Variants in THSD7A observed in about 807,000 individuals in gnomAD.
The protein encoded by THSD7A is thrombospondin type-1 domain-containing protein 7A.
Under a neutral mutation model 231.3 loss-of-function variants are expected in THSD7A, and 96 were observed. The ratio of observed to expected loss-of-function variants is 0.41; its 90% confidence interval spans 0.35 to 0.49. The LOEUF is 0.49. THSD7A is among the 20% of genes least tolerant of loss of function. The pLI is 0.05. For missense variants in THSD7A, 2,290 were observed against 2,070.2 expected, an observed-to-expected ratio of 1.11 and a Z score of -2.06; for synonymous variants, 940 against 743.3, an observed-to-expected ratio of 1.26 and a Z score of -4.30.
intron 6 of THSD7A, among the ~76,000 whole-genome samples, chr7:11,541,077 CT>C (rs1456952910): frequency 6.6e-6 from 1 of 152,084 alleles, no homozygotes; most frequent in Non-Finnish European, 1.5e-5. Context: ...GAGCTATAGA[CT>C]TTTTTAAAAA....
chr7:11,593,901 A>G (rs955110266), intron 2 of THSD7A, among the ~76,000 whole-genome samples: 4 of 152,156 alleles, frequency 2.6e-5, no homozygotes, highest in African/African-American at 4.8e-5. Flanking sequence ...CGTAAGTGTG[A>G]TGGTTAATAC....
chr7:11,473,026 T>C (rs1785999955), intron 8 of THSD7A, among the ~76,000 whole-genome samples: 1 of 152,186 alleles, frequency 6.6e-6, no homozygotes, highest in African/African-American at 2.4e-5. Context: ...ATCACAGCTT[T>C]AGCAAAATTT....
At chr7:11,820,516 G>T in intron 1 of THSD7A, 1 of 778,006 alleles carries the variant, frequency 1.3e-6, no homozygotes. Flanking sequence ...GTGTAATCTA[G>T]GTCCCACTCC....
At chr7:11,463,512 C>T (rs1395344527) in intron 9 of THSD7A, among the ~76,000 whole-genome samples, 3 of 152,134 alleles carry the variant, frequency 2.0e-5, no homozygotes, top group Non-Finnish European at 2.9e-5. Context: ...TACTGTAATA[C>T]ACGACCTTGT....
chr7:11,736,553 G>A (rs1353512159), intron 1 of THSD7A, among the ~76,000 whole-genome samples: 1 of 151,702 alleles, frequency 6.6e-6, no homozygotes, highest in Non-Finnish European at 1.5e-5. Context: ...TTTATTTATA[G>A]GACTATTTAA....
rs141388614 is a variant in THSD7A, at chr7:11,557,203, A to G, written c.1454-14086T>C. ...TTGTTCGGATTAGGTAATTTTGATT[A>G]TTCTGTATTTTAGTTCTTTGATTCT... On this transcript the variant is annotated intron_variant, in intron 4 of 27. Transcript: ENST00000423059. Among the ~76,000 whole-genome samples, 429 of 151,844 alleles carry G rather than the reference A, an allele frequency of 2.8e-3. 1 individual carries two copies. Among genetic ancestry groups the G allele is most frequent in the African/African-American group, 9.8e-3 (404 of 41,422 alleles).
intron 1 of THSD7A, among the ~76,000 whole-genome samples, chr7:11,715,058 C>A (rs1781091783): frequency 1.3e-5 from 2 of 151,334 alleles, no homozygotes; most frequent in African/African-American, 4.8e-5. Context: ...AACAACTCTT[C>A]CAGGTCAGTA....
At chr7:11,407,683 T>A (rs781062482) in intron 19 of THSD7A, among the ~76,000 whole-genome samples, 5 of 152,308 alleles carry the variant, frequency 3.3e-5, no homozygotes, top group Middle Eastern at 3.4e-3. Flanking sequence ...CAATAAGCAA[T>A]GTAGAAAAGT....
intron 1 of THSD7A, among the ~76,000 whole-genome samples, chr7:11,668,421 AAAAAGAAAGAAAG>A (rs1185347599): frequency 2.6e-5 from 4 of 151,458 alleles, no homozygotes; most frequent in South Asian, 2.1e-4. Context: ...TCCATCTCAA[AAAAAGAAAGAAAG>A]AAAAGAAAGA....
At chr7:11,738,419 C>A (rs1781989474) in intron 1 of THSD7A, among the ~76,000 whole-genome samples, 1 of 151,974 alleles carries the variant, frequency 6.6e-6, no homozygotes, top group African/African-American at 2.4e-5. Flanking sequence ...TCTCAGCAAA[C>A]ACTGGTTAAC....
chr7:11,769,187 G>C (rs1047508623), intron 1 of THSD7A, among the ~76,000 whole-genome samples: 1 of 108,354 alleles, frequency 9.2e-6, no homozygotes, highest in African/African-American at 3.3e-5. Context: ...TGTAGAGATG[G>C]GGTTTCACTA....
At chr7:11,386,169 A>T (rs565364421) in intron 23 of THSD7A, among the ~76,000 whole-genome samples, 1 of 152,204 alleles carries the variant, frequency 6.6e-6, no homozygotes. Context: ...CAGTGCTGCA[A>T]TAAACATATG....
chr7:11,447,150 G>T (rs888235910), intron 12 of THSD7A, 80 bp downstream of exon 12: 2 of 1,355,286 alleles, frequency 1.5e-6, no homozygotes, highest in Non-Finnish European at 2.1e-6. Context: ...CAAATACACT[G>T]TCAGAATTCT....
rs774714871 is a variant in THSD7A, at chr7:11,401,864, C to A, written c.4342G>T (p.Val1448Leu). 6.2e-7 allele frequency: 1 copy of A among 1,613,888 alleles called. No individual in the cohort carries two copies. Among genetic ancestry groups the A allele is most frequent in the African/African-American group, 1.3e-5 (1 of 75,012 alleles). The part of the protein sequence containing the change: ...FGGIQVRSRP[V>L]IIQELENQHL... ...TGATTCTCTAGTTCTTGTATAATCA[C>A]CGGTCTGGATCTGACCTGTATTCCA... is the stretch of plus-strand genomic sequence containing the variant. The change falls in exon 23 of 28, where the codon GTG (valine) becomes TTG (leucine). Residue 1448 changes from valine to leucine, a missense_variant. By Grantham distance (32) the Val-to-Leu change is conservative. Coordinates refer to ENST00000423059, the MANE Select transcript of THSD7A (RefSeq NM_015204.3).
chr7:11,411,117 C>T lies in THSD7A; in HGVS notation c.3798+90G>A. 1 of 896,458 alleles carries T rather than the reference C, an allele frequency of 1.1e-6. No homozygotes were observed. Among genetic ancestry groups the T allele is most frequent in the Non-Finnish European group, 1.8e-6 (1 of 567,070 alleles). The allele number at this position is 896,458 out of a possible 1,614,324, so 55.5% of individuals were successfully genotyped here. A position where few individuals can be genotyped will look rare whatever the true frequency, so the allele number is the denominator to read the frequency against. ...CAGAAAAACATCTGCTGGCAATGAG[C>T]TGCATGGAGCACGGGTCACTTGGCT... On this transcript the variant is annotated intron_variant, in intron 19 of 27. Transcript: ENST00000423059. This position sits in a 1 kb window ranked among gnomAD's most constrained non-coding sequence, Gnocchi z 4.1.
chr7:11,649,036 T>G (rs565833370), intron 1 of THSD7A, among the ~76,000 whole-genome samples: 4 of 152,200 alleles, frequency 2.6e-5, no homozygotes, highest in Admixed American at 2.6e-4. Flanking sequence ...TGCATGGAGA[T>G]GACCTGTGTA....
chr7:11,611,518 G>T (rs1780920025), intron 2 of THSD7A, among the ~76,000 whole-genome samples: 1 of 151,368 alleles, frequency 6.6e-6, no homozygotes, highest in Non-Finnish European at 1.5e-5. Context: ...AATATTAATG[G>T]TCAATTTTGT....
At chr7:11,702,990 A>G (rs1217530050) in intron 1 of THSD7A, among the ~76,000 whole-genome samples, 2 of 151,242 alleles carry the variant, frequency 1.3e-5, no homozygotes, top group Non-Finnish European at 3.0e-5. Flanking sequence ...AGTCTTCTGG[A>G]AACTCTCTGA....
chr7:11,694,629 C>CATTGT (rs1295856618), intron 1 of THSD7A, among the ~76,000 whole-genome samples: 1 of 151,470 alleles, frequency 6.6e-6, no homozygotes, highest in Non-Finnish European at 1.5e-5. Context: ...TTACACTGCT[C>CATTGT]ACAAGGTTTG....
Sources: allele counts gnomAD v4.1 joint callset (sites outside exome capture counted in the v4.1 genomes callset), GRCh38; gene constraint gnomAD v4.1.1; non-coding constraint Gnocchi (gnomAD v3.1); transcripts MANE v1.5; gene names NCBI Gene and HGNC (gene_info 2026-07-23, HGNC 2026-07-21).